Variants in METTL25 observed in about 807,000 individuals in gnomAD.
The protein encoded by METTL25 is methyltransferase like 25.
In METTL25, 64 loss-of-function variants were observed where a neutral mutation model predicts 71.6. The observed-to-expected ratio is 0.89, with a 90% CI of 0.73 to 1.10. The LOEUF (loss-of-function observed/expected upper bound fraction) is 1.10. METTL25 is among the 50% of genes least tolerant of loss of function. The pLI is 0.00. For missense variants in METTL25, 807 were observed against 707.0 expected (o/e 1.14, Z -1.60); for synonymous variants, 287 against 250.3 (o/e 1.15, Z -1.38).
Position 82,478,396 on chromosome 12 carries a change from A to G in METTL25, c.1720-536A>G, listed in dbSNP as rs974666981. On this transcript the variant is annotated intron_variant, in intron 11 of 11. Transcript: ENST00000248306. ...TTAGAAAATTTAAAATACAGGATAT[A>G]TAATAAAGAAAATTAAGAGTAGTCA... Among the ~76,000 whole-genome samples the G allele has an allele frequency of 2.8e-4, 43 of 151,926 alleles. 1 individual carries two copies. The highest frequency in any genetic ancestry group is 5.5e-4 in the Non-Finnish European group (37 of 67,700).
At chr12:82,363,623 C>T (rs1882212477) in intron 1 of METTL25, among the ~76,000 whole-genome samples, 1 of 151,806 alleles carries the variant, frequency 6.6e-6, no homozygotes, top group Admixed American at 6.6e-5. Flanking sequence ...AGTTGACTTC[C>T]CACTATTAAT....
intron 1 of METTL25, among the ~76,000 whole-genome samples, chr12:82,374,570 T>C (rs1883619379): frequency 6.6e-6 from 1 of 152,214 alleles, no homozygotes; most frequent in Non-Finnish European, 1.5e-5. Context: ...GATTGGTGCA[T>C]TTATAATCCT....
intron 10 of METTL25, 47 bp downstream of exon 10, chr12:82,476,765 T>C (rs1734109776): frequency 2.5e-6 from 3 of 1,211,152 alleles, no homozygotes; most frequent in East Asian, 2.4e-5. Context: ...TTGCTAGACT[T>C]GAATAGGGTC....
At chr12:82,452,702 A>G (rs754857901) in intron 8 of METTL25, among the ~76,000 whole-genome samples, 2 of 152,166 alleles carry the variant, frequency 1.3e-5, no homozygotes, top group Non-Finnish European at 2.9e-5. Flanking sequence ...TTGGTCTCAT[A>G]TCATGCAAAA....
intron 11 of METTL25, 148 bp from the exon 12 acceptor site, chr12:82,478,784 T>A: frequency 1.7e-6 from 1 of 603,532 alleles, no homozygotes; most frequent in Admixed American, 3.0e-5. Context: ...TAATTGTGAA[T>A]GTTAATTTTG....
intron 5 of METTL25, among the ~76,000 whole-genome samples, chr12:82,419,903 CTG>C (rs1486854701): frequency 1.3e-5 from 2 of 152,246 alleles, no homozygotes; most frequent in African/African-American, 4.8e-5. Flanking sequence ...GAAGAGATAT[CTG>C]TGCTCCTGTA....
intron 5 of METTL25, among the ~76,000 whole-genome samples, chr12:82,426,170 A>C (rs1234506158): frequency 6.6e-6 from 1 of 152,068 alleles, no homozygotes; most frequent in East Asian, 1.9e-4. Flanking sequence ...CAGATTCTGA[A>C]GATAATATTG....
At chr12:82,413,580 A>G (rs1161490417) in intron 5 of METTL25, among the ~76,000 whole-genome samples, 1 of 151,994 alleles carries the variant, frequency 6.6e-6, no homozygotes, top group Non-Finnish European at 1.5e-5. Context: ...CAGTATTGTG[A>G]CCTGGATCGG....
intron 5 of METTL25, among the ~76,000 whole-genome samples, chr12:82,406,547 T>C (rs566127005): frequency 6.6e-6 from 1 of 152,300 alleles, no homozygotes; most frequent in South Asian, 2.1e-4. Context: ...TATTGTATTT[T>C]ATTTATTCAG....
intron 9 of METTL25, among the ~76,000 whole-genome samples, chr12:82,460,473 A>G (rs1277277054): frequency 6.6e-6 from 1 of 152,228 alleles, no homozygotes; most frequent in Admixed American, 6.5e-5. Context: ...CAGCCAAGTA[A>G]TCAAGCTCAA....
chr12:82,365,102 A>G (rs1485394599), intron 1 of METTL25, among the ~76,000 whole-genome samples: 1 of 152,204 alleles, frequency 6.6e-6, no homozygotes, highest in Non-Finnish European at 1.5e-5. Flanking sequence ...ATGAAGTTAA[A>G]CATAGATCTA....
chr12:82,439,950 G>A (rs895275829), intron 8 of METTL25: 48 of 332,294 alleles, frequency 1.4e-4, no homozygotes, highest in Non-Finnish European at 2.0e-4. Flanking sequence ...ACTTTCCAAC[G>A]CTCCACATGC....
At chr12:82,413,186 TAA>T (rs1300867022) in intron 5 of METTL25, among the ~76,000 whole-genome samples, 2 of 151,940 alleles carry the variant, frequency 1.3e-5, no homozygotes, top group Admixed American at 6.6e-5. Context: ...ACCATGAAAC[TAA>T]AATGAAGACT....
chr12:82,465,134 T>G (rs188040088), intron 9 of METTL25, among the ~76,000 whole-genome samples: 66 of 152,102 alleles, frequency 4.3e-4, no homozygotes, highest in African/African-American at 1.4e-3. Flanking sequence ...GAACTTCCAG[T>G]ACTGTGTTGC....
At chr12:82,467,864 TTAAG>T (rs767276139) in intron 9 of METTL25, among the ~76,000 whole-genome samples, 2 of 152,132 alleles carry the variant, frequency 1.3e-5, no homozygotes, top group African/African-American at 2.4e-5. Flanking sequence ...TATTATTTAA[TTAAG>T]TATGTTTTCT....
chr12:82,359,009 G>T (rs1028825382), intron 1 of METTL25, 185 bp downstream of exon 1: 70 of 652,812 alleles, frequency 1.1e-4, no homozygotes, highest in African/African-American at 2.4e-4. Context: ...TTGGAATCAG[G>T]ATCACTCTTT....
intron 8 of METTL25, among the ~76,000 whole-genome samples, chr12:82,445,160 A>G (rs1410394883): frequency 2.0e-5 from 3 of 152,170 alleles, no homozygotes; most frequent in Admixed American, 1.3e-4. Context: ...TGACAATTGA[A>G]TAAACTCACA....
At chr12:82,382,162 A>G (rs970560377) in intron 1 of METTL25, among the ~76,000 whole-genome samples, 4 of 152,212 alleles carry the variant, frequency 2.6e-5, no homozygotes, top group Non-Finnish European at 2.9e-5. Context: ...AACCTTTTGA[A>G]TTGAAGACAT....
In METTL25 at chr12:82,420,301, T is replaced by A. The variant is rs76851575; in HGVS notation, c.1280-10592T>A. Among the ~76,000 whole-genome samples the A allele has an allele frequency of 2.5e-3, 380 of 152,264 alleles. 4 individuals are homozygous for A. In the East Asian group the frequency reaches 0.033, roughly 13 times the overall value. On this transcript the variant is annotated intron_variant, in intron 5 of 11. Transcript: ENST00000248306. ...GGGCTATGATTCACAGTACTGTATTTTATACTTAAAAATTCCTAAAAGGGT... is the reference window on the plus strand; with the variant it reads ...GGGCTATGATTCACAGTACTGTATTATATACTTAAAAATTCCTAAAAGGGT...
Sources: allele counts gnomAD v4.1 joint callset (sites outside exome capture counted in the v4.1 genomes callset), GRCh38; gene constraint gnomAD v4.1.1; transcripts MANE v1.5; gene names NCBI Gene and HGNC (gene_info 2026-07-23, HGNC 2026-07-21).